Variants in LRFN5 observed in about 807,000 individuals in gnomAD.
LRFN5 encodes the protein leucine rich repeat and fibronectin type III domain containing 5, also known as leucine-rich repeat and fibronectin type-III domain-containing protein 5.
LRFN5 carries 24 observed loss-of-function variants against 45.6 expected under a neutral mutation model. The observed-to-expected ratio is 0.53, with a 90% CI of 0.38 to 0.74. The LOEUF is 0.74. LRFN5 is among the 30% of genes least tolerant of loss of function. LRFN5 has a pLI of 0.00. For synonymous variants in LRFN5, 340 were observed against 313.8 expected (o/e 1.08, Z -0.88); for missense variants, 776 against 861.5 (o/e 0.90, Z 1.24).
intron 2 of LRFN5, among the ~76,000 whole-genome samples, chr14:41,795,812 A>T (rs1198509514): frequency 2.6e-5 from 4 of 152,046 alleles, no homozygotes; most frequent in African/African-American, 9.7e-5. Flanking sequence ...GCATTAGAAG[A>T]AATAACTAAT....
At chr14:41,694,620 T>C (rs758331244) in intron 1 of LRFN5, among the ~76,000 whole-genome samples, 2 of 151,998 alleles carry the variant, frequency 1.3e-5, no homozygotes, top group Non-Finnish European at 2.9e-5. Flanking sequence ...TTCTTTTTTA[T>C]AAATTGAAGG....
chr14:41,646,466 C>T (rs1042739346), intron 1 of LRFN5, among the ~76,000 whole-genome samples: 2 of 152,084 alleles, frequency 1.3e-5, no homozygotes, highest in African/African-American at 4.8e-5. Context: ...GTAGAAACGG[C>T]ACTCCCCAGA....
In LRFN5 at chr14:41,816,998, GTT is replaced by G. The variant is rs200326943; in HGVS notation, c.-21+49986_-21+49987del. On this transcript the variant is annotated intron_variant, in intron 2 of 5. Transcript: ENST00000298119. ...TTGTCTAAGCTTTTTAATGTGGGAA[GTT>G]TTTTTTTTTTTTTTTTGAGATAGCC... Among the ~76,000 whole-genome samples the G allele has an allele frequency of 1.3e-4, 17 of 129,964 alleles. No homozygotes were observed. In the East Asian group the frequency reaches 2.9e-3, roughly 22 times the overall value. The allele number at this position is 129,964 out of a possible 152,430, so 85.3% of individuals were successfully genotyped here. A position where few individuals can be genotyped will look rare whatever the true frequency, so the allele number is the denominator to read the frequency against.
chr14:41,903,543 TTA>T (rs1891161411), intron 5 of LRFN5, among the ~76,000 whole-genome samples: 2 of 151,660 alleles, frequency 1.3e-5, no homozygotes, highest in South Asian at 2.1e-4. Flanking sequence ...TTTCACAGTT[TTA>T]TGTTTAAATA....
intron 2 of LRFN5, among the ~76,000 whole-genome samples, chr14:41,781,647 G>GAAAGAA (rs1311200183): frequency 7.1e-6 from 1 of 141,454 alleles, no homozygotes; most frequent in African/African-American, 2.7e-5. Flanking sequence ...AAGAAAGAAA[G>GAAAGAA]AGAAAGAAAG....
At chr14:41,669,990 AT>A (rs1404129956) in intron 1 of LRFN5, among the ~76,000 whole-genome samples, 14 of 149,072 alleles carry the variant, frequency 9.4e-5, no homozygotes, top group African/African-American at 3.0e-4. Context: ...ATAGTTAAAA[AT>A]ATAGTTAAAA....
At chr14:41,788,392 TC>T (rs1160885102) in intron 2 of LRFN5, among the ~76,000 whole-genome samples, 1 of 152,060 alleles carries the variant, frequency 6.6e-6, no homozygotes, top group Non-Finnish European at 1.5e-5. Flanking sequence ...TCCTTATTCC[TC>T]TTAAAGTTTT....
At chr14:41,794,881 T>C (rs867434553) in intron 2 of LRFN5, among the ~76,000 whole-genome samples, 72 of 152,132 alleles carry the variant, frequency 4.7e-4, no homozygotes, top group African/African-American at 1.6e-3. Flanking sequence ...TGGTCATATG[T>C]TCCTAAGATG....
At position 41,856,675 on chromosome 14, in the gene LRFN5, A is replaced by ATTATTTTTT; in HGVS notation, c.-20-29929_-20-29928insATTTTTTTT. Among the ~76,000 whole-genome samples the ATTATTTTTT allele has an allele frequency of 1.6e-3, 29 of 18,332 alleles. 3 individuals are homozygous for ATTATTTTTT. The highest frequency in any genetic ancestry group is 2.4e-3 in the African/African-American group (19 of 7,820). The allele number at this position is 18,332 out of a possible 152,430, so 12.0% of individuals were successfully genotyped here. On this transcript the variant is annotated intron_variant, in intron 2 of 5. Coordinates refer to ENST00000298119, the MANE Select transcript of LRFN5 (RefSeq NM_152447.5). Reference sequence around the variant, plus strand: ...TTCTTTCCTAATTATTATTATTATTATTTTTTTTTTTTTTTTTTTGAGACG... The same window carrying ATTATTTTTT: ...TTCTTTCCTAATTATTATTATTATTATTATTTTTTTTTTTTTTTTTTTTTTTTTGAGACG...
intron 2 of LRFN5, among the ~76,000 whole-genome samples, chr14:41,836,276 C>T (rs942383453): frequency 1.6e-4 from 25 of 152,148 alleles, no homozygotes; most frequent in African/African-American, 5.8e-4. Flanking sequence ...ACAAAGTTTT[C>T]AAATATGTGC....
At chr14:41,868,708 C>T (rs1191523113) in intron 2 of LRFN5, among the ~76,000 whole-genome samples, 1 of 152,132 alleles carries the variant, frequency 6.6e-6, no homozygotes, top group Non-Finnish European at 1.5e-5. Context: ...GAGGCCATTA[C>T]TAGTCTTAGG....
intron 4 of LRFN5, among the ~76,000 whole-genome samples, chr14:41,897,131 A>C (rs967129248): frequency 6.7e-6 from 1 of 150,096 alleles, no homozygotes; most frequent in African/African-American, 2.4e-5. Flanking sequence ...TAAATAAATA[A>C]ATATTAAAAA....
chr14:41,845,544 A>C lies in LRFN5; in HGVS notation c.-20-41062A>C, dbSNP rs1346629630. On this transcript the variant is annotated intron_variant, in intron 2 of 5. Coordinates refer to ENST00000298119, the MANE Select transcript of LRFN5 (RefSeq NM_152447.5). The stretch of plus-strand genomic sequence containing the variant: ...TGTTCTTGTTTTTCTCTGTTCTCTC[A>C]GTAGTCTACATCTCCTTGGAAACTG... Among the ~76,000 whole-genome samples the C allele has an allele frequency of 3.3e-5, 5 of 151,986 alleles. No individual in the cohort carries two copies. In the East Asian group the frequency reaches 9.6e-4, roughly 29 times the overall value.
At chr14:41,620,389 G>A (rs1050355014) in intron 1 of LRFN5, among the ~76,000 whole-genome samples, 6 of 152,150 alleles carry the variant, frequency 3.9e-5, no homozygotes, top group Admixed American at 2.0e-4. Context: ...AAAAAATTAT[G>A]TAAAGTTACA....
chr14:41,820,799 C>T (rs1329509297), intron 2 of LRFN5, among the ~76,000 whole-genome samples: 2 of 151,680 alleles, frequency 1.3e-5, no homozygotes, highest in Non-Finnish European at 2.9e-5. Flanking sequence ...TTCCTTCAAG[C>T]ATTTTATAGT....
At chr14:41,750,550 T>A (rs1885088379) in intron 1 of LRFN5, among the ~76,000 whole-genome samples, 1 of 152,012 alleles carries the variant, frequency 6.6e-6, no homozygotes, top group South Asian at 2.1e-4. Context: ...AGTACATATA[T>A]TAAATATTAA....
intron 1 of LRFN5, among the ~76,000 whole-genome samples, chr14:41,753,535 A>T (rs575693897): frequency 1.3e-5 from 2 of 152,146 alleles, no homozygotes; most frequent in Admixed American, 1.3e-4. Flanking sequence ...GCAATTGTGA[A>T]TGGGAGTTCA....
chr14:41,687,731 A>C (rs1376152458), intron 1 of LRFN5, among the ~76,000 whole-genome samples: 2 of 152,232 alleles, frequency 1.3e-5, no homozygotes, highest in East Asian at 3.9e-4. Context: ...GCAAACTAAC[A>C]AAGGAACAGA....
Position 41,887,695 on chromosome 14 carries a change from G to T in LRFN5, c.1070G>T (p.Cys357Phe), listed in dbSNP as rs1890625714. The stretch of plus-strand genomic sequence containing the variant: ...GTAAAGGATACAGGTGCTTTTACCT[G>T]CATTGCTTCCAATCCTGCTGGGGAA... Reference protein sequence around the residue: ...TTVKDTGAFTCIASNPAGEAT... With the variant: ...TTVKDTGAFTFIASNPAGEAT... The change falls in exon 3 of 6, where the codon TGC becomes TTC. Residue 357 changes from cysteine to phenylalanine, a missense_variant. This residue lies in a region of LRFN5 where 465 missense variants were observed against 456.4 expected (regional missense o/e 1.02). Coordinates refer to ENST00000298119, the MANE Select transcript of LRFN5 (RefSeq NM_152447.5). The surrounding 1 kb of genome is among the most constrained non-coding windows in gnomAD (Gnocchi z 4.8). 1 of 1,613,998 alleles carries T rather than the reference G, an allele frequency of 6.2e-7. No homozygotes were observed. The highest frequency in any genetic ancestry group is 1.3e-5 in the African/African-American group (1 of 74,924).
Sources: gnomAD v4.1 joint callset for allele counts (sites outside exome capture counted in the v4.1 genomes callset) on GRCh38, gnomAD v4.1.1 for gene constraint, gnomAD v4.1.1 regional missense constraint, Gnocchi (gnomAD v3.1) non-coding constraint, MANE v1.5 for transcripts, NCBI Gene and HGNC (gene_info 2026-07-23, HGNC 2026-07-21) for gene names.